The following KCND2 variants were observed in gnomAD, a reference collection of about 807,000 sequenced individuals.
KCND2 encodes potassium voltage-gated channel subfamily D member 2.
Under a neutral mutation model 54.4 loss-of-function variants are expected in KCND2, and 16 were observed. The observed-to-expected ratio is 0.29, with a 90% confidence interval of 0.20 to 0.45. The LOEUF is 0.45. Ranked by LOEUF, KCND2 falls within the 20% of genes least tolerant of loss-of-function variation. KCND2 has a pLI of 1.00. For synonymous variants in KCND2, 317 were observed against 310.7 expected (o/e 1.02, Z -0.21); for missense variants, 486 against 824.2 (o/e 0.59, Z 5.02).
chr7:120,546,880 T>C (rs979916888), intron 1 of KCND2, among the ~76,000 whole-genome samples: 2 of 151,970 alleles, frequency 1.3e-5, no homozygotes, highest in Admixed American at 1.3e-4. Context: ...CTATCTGCAA[T>C]GTAATATCAA....
chr7:120,558,629 A>G (rs1792194015), intron 1 of KCND2, among the ~76,000 whole-genome samples: 1 of 152,188 alleles, frequency 6.6e-6, no homozygotes. Context: ...TCTTTCATTG[A>G]AAATAATGGT....
chr7:120,418,164 A>G (rs1801551698), intron 1 of KCND2, among the ~76,000 whole-genome samples: 1 of 152,166 alleles, frequency 6.6e-6, no homozygotes, highest in South Asian at 2.1e-4. Context: ...TCCTATTAAG[A>G]GAGTAGAAGC....
At chr7:120,299,801 A>G (rs1404797419) in intron 1 of KCND2, among the ~76,000 whole-genome samples, 1 of 152,188 alleles carries the variant, frequency 6.6e-6, no homozygotes, top group East Asian at 1.9e-4. Flanking sequence ...GTTTCCACAT[A>G]AAATTATTTT....
chr7:120,516,483 A>G (rs935950109), intron 1 of KCND2, among the ~76,000 whole-genome samples: 1 of 152,138 alleles, frequency 6.6e-6, no homozygotes, highest in African/African-American at 2.4e-5. Context: ...AGAATCAGAA[A>G]GACACCCTGA....
At chr7:120,697,895 C>A (rs1237240759) in intron 1 of KCND2, among the ~76,000 whole-genome samples, 1 of 151,974 alleles carries the variant, frequency 6.6e-6, no homozygotes, top group Non-Finnish European at 1.5e-5. Context: ...GTCACCCAAT[C>A]GTGGTCATAG....
intron 1 of KCND2, among the ~76,000 whole-genome samples, chr7:120,356,133 T>A (rs569004161): frequency 4.6e-5 from 7 of 152,294 alleles, no homozygotes; most frequent in African/African-American, 1.7e-4. Context: ...GTGTGATTCC[T>A]ATGTGTTAAC....
chr7:120,744,416 A>G (rs1349705285), intron 4 of KCND2, among the ~76,000 whole-genome samples: 6 of 152,176 alleles, frequency 3.9e-5, no homozygotes, highest in African/African-American at 1.4e-4. Flanking sequence ...TAATAACAGA[A>G]TGACTCCTGC....
intron 2 of KCND2, among the ~76,000 whole-genome samples, chr7:120,740,570 A>C (rs1792927823): frequency 6.6e-6 from 1 of 152,114 alleles, no homozygotes; most frequent in African/African-American, 2.4e-5. Context: ...ATGACGGTCT[A>C]AATGCACGTC....
At chr7:120,539,654 A>G (rs566248887) in intron 1 of KCND2, among the ~76,000 whole-genome samples, 106 of 152,324 alleles carry the variant, frequency 7.0e-4, no homozygotes, top group African/African-American at 2.5e-3. Flanking sequence ...TATTGTATAT[A>G]TACGTTACAC....
chr7:120,692,692 T>G (rs1216444913), intron 1 of KCND2, among the ~76,000 whole-genome samples: 1 of 152,210 alleles, frequency 6.6e-6, no homozygotes, highest in African/African-American at 2.4e-5. Context: ...TGCTGACTCC[T>G]GTCACTTTGC....
chr7:120,402,297 T>C (rs1462633834), intron 1 of KCND2, among the ~76,000 whole-genome samples: 1 of 149,738 alleles, frequency 6.7e-6, no homozygotes, highest in Middle Eastern at 3.2e-3. Flanking sequence ...CCCATGTGCA[T>C]CCCTTCCCCC....
chr7:120,452,211 T>G (rs1398217909), intron 1 of KCND2, among the ~76,000 whole-genome samples: 2 of 152,218 alleles, frequency 1.3e-5, no homozygotes, highest in African/African-American at 4.8e-5. Flanking sequence ...TAGCTCTGGA[T>G]TCATGTTCTG....
chr7:120,309,473 A>ATATATATATATG (rs1196578997), intron 1 of KCND2, among the ~76,000 whole-genome samples: 1 of 123,540 alleles, frequency 8.1e-6, no homozygotes, highest in Non-Finnish European at 1.7e-5. Flanking sequence ...ATATATATAT[A>ATATATATATATG]TACACACACA....
chr7:120,432,088 G>A (rs763686161), intron 1 of KCND2, among the ~76,000 whole-genome samples: 19 of 152,012 alleles, frequency 1.2e-4, no homozygotes, highest in South Asian at 4.2e-4. Flanking sequence ...TATTTTCACC[G>A]TGACAAACCT....
intron 1 of KCND2, among the ~76,000 whole-genome samples, chr7:120,366,266 C>T (rs1377841814): frequency 6.6e-6 from 1 of 152,060 alleles, no homozygotes; most frequent in Non-Finnish European, 1.5e-5. Flanking sequence ...AGACATATCA[C>T]TTGAGGTGAG....
rs1799108881 is a variant in KCND2, at chr7:120,273,345, C to G, written c.-1288C>G. On this transcript the variant is annotated 5_prime_UTR_variant, in exon 1 of 6. Transcript: ENST00000331113. ...CGCGCTGCCGAGCGCCTTCTGCCTC[C>G]GCGCTCGGACGAGAGCCCGTGCCGG... Among the ~76,000 whole-genome samples the G allele has an allele frequency of 6.7e-6, 1 of 149,696 alleles. No individual in the cohort carries two copies. Among genetic ancestry groups the G allele is most frequent in the Non-Finnish European group, 1.5e-5 (1 of 67,222 alleles).
chr7:120,373,259 A>G (rs1301373035), intron 1 of KCND2, among the ~76,000 whole-genome samples: 2 of 151,832 alleles, frequency 1.3e-5, no homozygotes, highest in African/African-American at 4.8e-5. Flanking sequence ...TCTTCCATAA[A>G]TAAGGTAGTA....
At chr7:120,305,971 A>G (rs1799647522) in intron 1 of KCND2, among the ~76,000 whole-genome samples, 1 of 152,170 alleles carries the variant, frequency 6.6e-6, no homozygotes, top group Non-Finnish European at 1.5e-5. Context: ...TGAGAATGGT[A>G]CTAATCTTCA....
At chr7:120,298,828 G>A (rs1033376019) in intron 1 of KCND2, among the ~76,000 whole-genome samples, 6 of 152,252 alleles carry the variant, frequency 3.9e-5, no homozygotes, top group Non-Finnish European at 5.9e-5. Context: ...CTGTTATTGC[G>A]TTGGTTCTTG....
Sources: allele counts gnomAD v4.1 joint callset (sites outside exome capture counted in the v4.1 genomes callset), GRCh38; gene constraint gnomAD v4.1.1; transcripts MANE v1.5; gene names NCBI Gene and HGNC (gene_info 2026-07-23, HGNC 2026-07-21).